The following SRBD1 variants were observed in gnomAD, a reference collection of about 807,000 sequenced individuals.
SRBD1 encodes S1 RNA binding domain 1, also known as S1 RNA-binding domain-containing protein 1.
SRBD1 carries 88 observed loss-of-function variants against 115.3 expected under a neutral mutation model. That is an observed-to-expected ratio of 0.76 (90% CI 0.64 to 0.91). SRBD1 has a LOEUF of 0.91. SRBD1 is among the 40% of genes least tolerant of loss of function. The probability of loss-of-function intolerance (pLI) is 0.00; values close to 1 mark genes in which losing one functional copy is unlikely to be tolerated. For synonymous variants in SRBD1, 509 were observed against 407.7 expected, an observed-to-expected ratio of 1.25 and a Z score of -2.99; for missense variants, 1,385 against 1,177.4, an observed-to-expected ratio of 1.18 and a Z score of -2.58.
intron 4 of SRBD1, among the ~76,000 whole-genome samples, chr2:45,591,894 G>A (rs1003858059): frequency 1.2e-4 from 19 of 152,170 alleles, no homozygotes; most frequent in African/African-American, 4.6e-4. Context: ...AGACAAAATG[G>A]TGGAGTATGA....
chr2:45,482,152 A>G (rs1455143810), intron 15 of SRBD1, among the ~76,000 whole-genome samples: 1 of 152,170 alleles, frequency 6.6e-6, no homozygotes, highest in African/African-American at 2.4e-5. Flanking sequence ...TTTAAAATGT[A>G]GTATGTCCAA....
chr2:45,561,090 G>A (rs1672651201), intron 10 of SRBD1, among the ~76,000 whole-genome samples: 1 of 152,134 alleles, frequency 6.6e-6, no homozygotes, highest in South Asian at 2.1e-4. Context: ...CTAGGCAACA[G>A]AGTGAGACCC....
At chr2:45,551,445 T>G (rs1672296823) in intron 11 of SRBD1, among the ~76,000 whole-genome samples, 163 bp from the exon 12 acceptor site, 1 of 152,330 alleles carries the variant, frequency 6.6e-6, no homozygotes, top group East Asian at 1.9e-4. Flanking sequence ...CTATTTTCAC[T>G]AATCACAGTA....
intron 5 of SRBD1, among the ~76,000 whole-genome samples, 156 bp downstream of exon 5, chr2:45,585,452 C>G (rs1429071068): frequency 1.3e-5 from 2 of 152,110 alleles, no homozygotes; most frequent in East Asian, 3.9e-4. Flanking sequence ...CAGAGGGACT[C>G]CATACACTCG....
chr2:45,389,197 A>G lies in SRBD1; in HGVS notation c.*113T>C. The stretch of plus-strand genomic sequence containing the variant: ...GGAAAGTGTTTGGAAAATATTTCTG[A>G]TATTAAGTGAATTATTTCTCATCTG... On this transcript the variant is annotated 3_prime_UTR_variant, in exon 21 of 21. Transcript: ENST00000263736. 1 of 1,205,008 alleles carries G rather than the reference A, an allele frequency of 8.3e-7. No homozygotes were observed. Among genetic ancestry groups the G allele is most frequent in the Non-Finnish European group, 1.2e-6 (1 of 867,846 alleles). 74.6% of individuals were successfully genotyped at this position (1,205,008 alleles called of 1,614,324 possible).
intron 19 of SRBD1, among the ~76,000 whole-genome samples, chr2:45,408,829 CA>C (rs898763192): frequency 1.7e-4 from 25 of 151,128 alleles, no homozygotes; most frequent in Non-Finnish European, 3.0e-4. Flanking sequence ...TATGCAGAAA[CA>C]AAAAAAATGT....
At chr2:45,430,005 A>G (rs1668282921) in intron 16 of SRBD1, among the ~76,000 whole-genome samples, 1 of 152,214 alleles carries the variant, frequency 6.6e-6, no homozygotes, top group Admixed American at 6.5e-5. Flanking sequence ...TAATAGACAG[A>G]GAGCCAAATT....
intron 15 of SRBD1, among the ~76,000 whole-genome samples, chr2:45,482,136 T>C (rs1669984954): frequency 6.6e-6 from 1 of 152,152 alleles, no homozygotes; most frequent in African/African-American, 2.4e-5. Flanking sequence ...AATGAAGCTA[T>C]TATTTTTTAA....
At chr2:45,579,052 T>G (rs1673265587) in intron 7 of SRBD1, among the ~76,000 whole-genome samples, 1 of 152,166 alleles carries the variant, frequency 6.6e-6, no homozygotes. Context: ...AAACATCAAT[T>G]TCCCCACTCA....
chr2:45,507,709 A>C (rs1438100599), intron 14 of SRBD1, among the ~76,000 whole-genome samples: 4 of 152,028 alleles, frequency 2.6e-5, no homozygotes, highest in Non-Finnish European at 5.9e-5. Context: ...AACAAGAACA[A>C]AACTCCGTCT....
At chr2:45,411,312 G>GT (rs758557622) in intron 19 of SRBD1, among the ~76,000 whole-genome samples, 2 of 152,096 alleles carry the variant, frequency 1.3e-5, no homozygotes, top group Non-Finnish European at 2.9e-5. Flanking sequence ...AAAAAGTTTG[G>GT]TATTTCCTAT....
intron 4 of SRBD1, among the ~76,000 whole-genome samples, chr2:45,589,826 G>A (rs1335615691): frequency 1.3e-5 from 2 of 152,160 alleles, no homozygotes; most frequent in Admixed American, 6.5e-5. Flanking sequence ...CTAAGCCAAT[G>A]ATAATCAAGA....
At chr2:45,458,501 A>C (rs1204275000) in intron 16 of SRBD1, among the ~76,000 whole-genome samples, 1 of 152,184 alleles carries the variant, frequency 6.6e-6, no homozygotes, top group African/African-American at 2.4e-5. Context: ...AGAAGACTGA[A>C]ACATCATCTT....
At position 45,474,478 on chromosome 2, in the gene SRBD1, C is replaced by T. The variant is rs550278925; in HGVS notation, c.2049+2515G>A. On this transcript the variant is annotated intron_variant, in intron 16 of 20. Coordinates refer to ENST00000263736, the MANE Select transcript of SRBD1 (RefSeq NM_018079.5). Reference sequence around the variant, plus strand: ...CTTGAGCTTCCTGACATTCGAAGGTCTCTTGAGCTATCTCCCAGCCTCTCT... The same window carrying T: ...CTTGAGCTTCCTGACATTCGAAGGTTTCTTGAGCTATCTCCCAGCCTCTCT... Among the ~76,000 whole-genome samples, 9 of 152,308 alleles carry T rather than the reference C, an allele frequency of 5.9e-5. No individual in the cohort carries two copies. The South Asian group carries it at 1.9e-3, about 32-fold the overall frequency.
chr2:45,581,236 T>C (rs764768168), intron 6 of SRBD1, among the ~76,000 whole-genome samples: 5 of 152,156 alleles, frequency 3.3e-5, no homozygotes, highest in Admixed American at 6.6e-5. Flanking sequence ...TACTTCTCTA[T>C]TTTTTTCCTA....
At chr2:45,402,799 T>C (rs1667325578) in intron 19 of SRBD1, among the ~76,000 whole-genome samples, 1 of 152,102 alleles carries the variant, frequency 6.6e-6, no homozygotes, top group East Asian at 1.9e-4. Flanking sequence ...CTGTGGCACA[T>C]ACAAATCAGC....
At chr2:45,551,430 T>C (rs976686737) in intron 11 of SRBD1, 148 bp from the exon 12 acceptor site, 40 of 833,808 alleles carry the variant, frequency 4.8e-5, no homozygotes, top group Non-Finnish European at 6.8e-5. Flanking sequence ...AAAATTATAT[T>C]GAGTCTATTT....
intron 10 of SRBD1, among the ~76,000 whole-genome samples, chr2:45,561,659 T>A (rs942481251): frequency 1.3e-5 from 2 of 152,218 alleles, no homozygotes; most frequent in African/African-American, 2.4e-5. Flanking sequence ...GGCTAAGTGG[T>A]GGCTACAAAA....
intron 16 of SRBD1, among the ~76,000 whole-genome samples, chr2:45,467,668 C>CA (rs1669531193): frequency 6.6e-6 from 1 of 152,226 alleles, no homozygotes; most frequent in South Asian, 2.1e-4. Flanking sequence ...CCTTACAAAG[C>CA]ATTTGACTTC....
Sources: gnomAD v4.1 joint callset for allele counts (sites outside exome capture counted in the v4.1 genomes callset) on GRCh38, gnomAD v4.1.1 for gene constraint, MANE v1.5 for transcripts, NCBI Gene and HGNC (gene_info 2026-07-23, HGNC 2026-07-21) for gene names.